The following ABAT variants were observed in gnomAD, a reference collection of about 807,000 sequenced individuals.
The protein encoded by ABAT is 4-aminobutyrate aminotransferase, mitochondrial.
In ABAT, 45 loss-of-function variants were observed where a neutral mutation model predicts 64.6. The observed-to-expected ratio is 0.70, with a 90% CI of 0.55 to 0.89. The LOEUF is 0.89. ABAT is among the 40% of genes least tolerant of loss of function. The probability of loss-of-function intolerance (pLI) is 0.00; values close to 1 mark genes in which losing one functional copy is unlikely to be tolerated. For missense variants in ABAT, 633 were observed against 658.4 expected, an observed-to-expected ratio of 0.96 and a Z score of 0.42; for synonymous variants, 297 against 250.5, an observed-to-expected ratio of 1.19 and a Z score of -1.75.
intron 9 of ABAT, 69 bp downstream of exon 9, chr16:8,766,339 G>A (rs2059943011): frequency 6.6e-7 from 1 of 1,504,110 alleles, no homozygotes; most frequent in Non-Finnish European, 9.2e-7. Flanking sequence ...GCTGTTGCTG[G>A]CTGGCTGGCA....
At chr16:8,703,329 G>C (rs1012896150) in intron 1 of ABAT, among the ~76,000 whole-genome samples, 4 of 151,870 alleles carry the variant, frequency 2.6e-5, no homozygotes, top group Non-Finnish European at 4.4e-5. Flanking sequence ...GGTGGTGTGC[G>C]CCTGTAGTCC....
chr16:8,754,172 C>G (rs1331574555), intron 5 of ABAT, among the ~76,000 whole-genome samples: 2 of 51,124 alleles, frequency 3.9e-5, no homozygotes, highest in African/African-American at 1.1e-4. Flanking sequence ...TGTTGAAACC[C>G]TGTCTATAAA....
chr16:8,702,759 T>C (rs12448579), intron 1 of ABAT, among the ~76,000 whole-genome samples: 6,540 of 152,240 alleles, frequency 0.043, 180 homozygotes, highest in South Asian at 0.11. Context: ...TGGAAGGTTT[T>C]CACCAGAGGG....
intron 14 of ABAT, among the ~76,000 whole-genome samples, 166 bp from the exon 15 acceptor site, chr16:8,779,313 A>G (rs1352312298): frequency 6.6e-6 from 1 of 151,902 alleles, no homozygotes; most frequent in Non-Finnish European, 1.5e-5. Context: ...TGGGCTTTGA[A>G]CCCAGGCCTG....
In ABAT at chr16:8,766,234, C is replaced by T. The variant is rs1596465723; in HGVS notation, c.567C>T (p.Phe189=). The T allele has an allele frequency of 1.2e-6, 2 of 1,614,164 alleles. No homozygotes were observed. Among genetic ancestry groups the T allele is most frequent in the Non-Finnish European group, 8.5e-7 (1 of 1,179,988 alleles). ...GCAAGGAAAGAGGGCAGAGGGGCTTCTCCCAGGAGGAGCTGGAGACGTGCA... is the reference window on the plus strand; with the variant it reads ...GCAAGGAAAGAGGGCAGAGGGGCTTTTCCCAGGAGGAGCTGGAGACGTGCA... ...YRSKERGQRG[F]SQEELETCMI... Residue 189 remains phenylalanine (F), a synonymous_variant, in exon 9 of 16, where the codon TTC becomes TTT. Coordinates refer to ENST00000268251, the MANE Select transcript of ABAT (RefSeq NM_020686.6).
intron 1 of ABAT, among the ~76,000 whole-genome samples, chr16:8,686,818 G>C (rs1221703582): frequency 6.6e-6 from 1 of 152,218 alleles, no homozygotes; most frequent in Admixed American, 6.5e-5. Flanking sequence ...TCACAGCAGA[G>C]TTTGGGAAAT....
At chr16:8,725,930 AC>A (rs2058538805) in intron 1 of ABAT, among the ~76,000 whole-genome samples, 1 of 150,942 alleles carries the variant, frequency 6.6e-6, no homozygotes, top group Non-Finnish European at 1.5e-5. Context: ...TGCCTCGAGA[AC>A]CCCCTCCCCA....
intron 2 of ABAT, chr16:8,736,864 T>C (rs1372957462): frequency 6.6e-6 from 1 of 152,226 alleles, no homozygotes; most frequent in Non-Finnish European, 1.5e-5. Context: ...CATGTGGCTC[T>C]GGAGACAGAG....
chr16:8,772,657 G>C, intron 11 of ABAT, 123 bp from the exon 12 acceptor site: 1 of 1,370,376 alleles, frequency 7.3e-7, no homozygotes, highest in Non-Finnish European at 1.0e-6. Context: ...ACTGGTCTTA[G>C]GAAATGCACA....
Position 8,764,554 on chromosome 16 carries a change from C to T in ABAT, c.448-184C>T, listed in dbSNP as rs933359930. On this transcript the variant is annotated intron_variant, in intron 7 of 15. Transcript: ENST00000268251. This position sits in a 1 kb window ranked among gnomAD's most constrained non-coding sequence, Gnocchi z 4.2. ...TTCCTCTCTGCCAGCCTCAGGGCCT[C>T]CCTGGGCTTCTCCGCCACCCCTGGA... is the stretch of plus-strand genomic sequence containing the variant. Among the ~76,000 whole-genome samples, 2 of 152,186 alleles carry T rather than the reference C, an allele frequency of 1.3e-5. No individual in the cohort carries two copies. Among genetic ancestry groups the T allele is most frequent in the Non-Finnish European group, 2.9e-5 (2 of 68,044 alleles).
intron 6 of ABAT, among the ~76,000 whole-genome samples, chr16:8,759,223 T>G (rs1294246186): frequency 4.6e-5 from 7 of 152,324 alleles, no homozygotes; most frequent in Non-Finnish European, 1.0e-4. Context: ...CTCTTTTTGT[T>G]ATTGGAACAT....
intron 1 of ABAT, among the ~76,000 whole-genome samples, chr16:8,726,312 G>A (rs551901488): frequency 3.4e-5 from 5 of 148,370 alleles, no homozygotes; most frequent in Non-Finnish European, 7.4e-5. Context: ...CCAGGCTGGA[G>A]TGCAGTGGCG....
At chr16:8,750,141 A>G (rs1039902823) in intron 4 of ABAT, among the ~76,000 whole-genome samples, 2 of 152,198 alleles carry the variant, frequency 1.3e-5, no homozygotes, top group Non-Finnish European at 2.9e-5. Flanking sequence ...ACATATCTTA[A>G]CAGAATCGAC....
chr16:8,733,681 C>T (rs2058826187), intron 1 of ABAT, among the ~76,000 whole-genome samples: 1 of 151,912 alleles, frequency 6.6e-6, no homozygotes, highest in South Asian at 2.1e-4. Flanking sequence ...ACCAGTCAGG[C>T]GTGGCGGCGT....
chr16:8,768,545 C>T (rs757286059), intron 10 of ABAT, among the ~76,000 whole-genome samples: 7 of 152,178 alleles, frequency 4.6e-5, no homozygotes, highest in East Asian at 1.9e-4. Flanking sequence ...CACATACCCA[C>T]GCACGCATGC....
chr16:8,761,176 C>G (rs777920156), intron 6 of ABAT, among the ~76,000 whole-genome samples: 26 of 148,670 alleles, frequency 1.7e-4, no homozygotes, highest in Non-Finnish European at 3.3e-4. Flanking sequence ...AGGAGCTTCC[C>G]CCACCTTCCC....
intron 1 of ABAT, among the ~76,000 whole-genome samples, chr16:8,678,844 TAA>T (rs1309712019): frequency 1.4e-4 from 22 of 152,218 alleles, no homozygotes. Context: ...GTGAAAAAGA[TAA>T]AGTCACAGAA....
At position 8,764,115 on chromosome 16, in the gene ABAT, A is replaced by G. The variant is rs2059874682; in HGVS notation, c.413A>G (p.Asn138Ser). ...RPALGILPPE[N>S]FVEKLRQSLL... is the part of the protein sequence containing the mutation. ...GCCCTCGGAATCCTGCCTCCGGAGA[A>G]CTTTGTGGAGAAGCTCCGGCAGTCC... The change falls in exon 7 of 16, where the codon AAC (asparagine) becomes AGC (serine). Residue 138 changes from asparagine (N) to serine (S), a missense_variant. Coordinates refer to ENST00000268251, the MANE Select transcript of ABAT (RefSeq NM_020686.6). This position sits in a 1 kb window ranked among gnomAD's most constrained non-coding sequence, Gnocchi z 4.2. 1 of 1,612,418 alleles carries G rather than the reference A, an allele frequency of 6.2e-7. No homozygotes were observed. Among genetic ancestry groups the G allele is most frequent in the Non-Finnish European group, 8.5e-7 (1 of 1,179,752 alleles).
chr16:8,774,892 T>C lies in ABAT; in HGVS notation c.957T>C (p.His319=). 1 of 1,614,024 alleles carries C rather than the reference T, an allele frequency of 6.2e-7. No individual in the cohort carries two copies. Among genetic ancestry groups the C allele is most frequent in the Non-Finnish European group, 8.5e-7 (1 of 1,180,020 alleles). Residue 319 remains histidine, a splice_region_variant and synonymous_variant, in exon 13 of 16, where the codon CAT becomes CAC. Coordinates refer to ENST00000268251, the MANE Select transcript of ABAT (RefSeq NM_020686.6). ...FRKLRDIARK[H]GCAFLVDEVQ... ...CCTCCTCTCTCTTCTCCGGCCAGCA[T>C]GGCTGCGCCTTCTTGGTGGACGAGG...
Sources: gnomAD v4.1 joint callset for allele counts (sites outside exome capture counted in the v4.1 genomes callset) on GRCh38, gnomAD v4.1.1 for gene constraint, Gnocchi (gnomAD v3.1) non-coding constraint, MANE v1.5 for transcripts, NCBI Gene and HGNC (gene_info 2026-07-23, HGNC 2026-07-21) for gene names.